The following CNTNAP5 variants were observed in gnomAD, a reference collection of about 807,000 sequenced individuals.
The protein encoded by CNTNAP5 is contactin-associated protein-like 5.
CNTNAP5 carries 72 observed loss-of-function variants against 150.2 expected under a neutral mutation model. The ratio of observed to expected loss-of-function variants is 0.48; its 90% CI spans 0.40 to 0.58. The LOEUF is 0.58. Among genes scored for constraint, CNTNAP5 ranks in the 20% least tolerant of loss-of-function variants. The pLI, the probability that CNTNAP5 is intolerant of heterozygous loss-of-function variation, is 0.00. For synonymous variants in CNTNAP5, 672 were observed against 619.8 expected (o/e 1.08, Z -1.25); for missense variants, 1,636 against 1,626.2 (o/e 1.01, Z -0.10).
In CNTNAP5 at chr2:124,491,226, C is replaced by A. The variant is rs549980836; in HGVS notation, c.1063-13066C>A. On this transcript the variant is annotated intron_variant, in intron 7 of 23. Coordinates refer to ENST00000682447, the MANE Select transcript of CNTNAP5 (RefSeq NM_001367498.1). ...ATTAACATCTCTCCATTTCTCTTAC[C>A]CTCTAACCCTGACAAGTACTGTTCT... Among the ~76,000 whole-genome samples, 4 of 152,020 alleles carry A rather than the reference C, an allele frequency of 2.6e-5. No individual in the cohort carries two copies. In the East Asian group the frequency reaches 7.7e-4, roughly 29 times the overall value.
At chr2:124,315,201 T>C (rs1291166200) in intron 3 of CNTNAP5, among the ~76,000 whole-genome samples, 1 of 152,124 alleles carries the variant, frequency 6.6e-6, no homozygotes, top group African/African-American at 2.4e-5. Flanking sequence ...CCTCAAGTGG[T>C]CCTCCTGTCA....
At chr2:124,335,844 G>A (rs1689453859) in intron 3 of CNTNAP5, among the ~76,000 whole-genome samples, 2 of 151,854 alleles carry the variant, frequency 1.3e-5, no homozygotes, top group African/African-American at 4.8e-5. Flanking sequence ...GATTTGCAGG[G>A]GTGAAAAACA....
At chr2:124,544,437 T>C (rs1695466225) in intron 10 of CNTNAP5, among the ~76,000 whole-genome samples, 1 of 152,176 alleles carries the variant, frequency 6.6e-6, no homozygotes, top group African/African-American at 2.4e-5. Context: ...AATTGTACAC[T>C]CCCATAGTTC....
intron 4 of CNTNAP5, among the ~76,000 whole-genome samples, chr2:124,428,333 A>T (rs191725231): frequency 1.3e-5 from 2 of 152,262 alleles, no homozygotes; most frequent in African/African-American, 2.4e-5. Flanking sequence ...CTTCCAATGG[A>T]TGTAGAATTG....
chr2:124,207,426 C>A (rs888338061), intron 1 of CNTNAP5, among the ~76,000 whole-genome samples: 10 of 152,120 alleles, frequency 6.6e-5, no homozygotes, highest in African/African-American at 2.4e-4. Context: ...CTTGTCAGAC[C>A]ATTCAATTTG....
intron 1 of CNTNAP5, among the ~76,000 whole-genome samples, chr2:124,142,107 G>A (rs1684127185): frequency 6.9e-6 from 1 of 145,034 alleles, no homozygotes; most frequent in Non-Finnish European, 1.5e-5. Flanking sequence ...AAATATTTAT[G>A]CACCCAATAC....
At chr2:124,136,735 G>A (rs970201931) in intron 1 of CNTNAP5, among the ~76,000 whole-genome samples, 7 of 152,158 alleles carry the variant, frequency 4.6e-5, no homozygotes, top group African/African-American at 1.4e-4. Flanking sequence ...ACTAGGGAAC[G>A]TGTAAGCAAA....
At chr2:124,032,683 AT>A (rs1681089337) in intron 1 of CNTNAP5, among the ~76,000 whole-genome samples, 1 of 152,166 alleles carries the variant, frequency 6.6e-6, no homozygotes, top group African/African-American at 2.4e-5. Context: ...TATAGAATAC[AT>A]TTTACATTTG....
rs80309681 is a variant in CNTNAP5, at chr2:124,069,002, T to C, written c.82+43270T>C. ...AGACATACTCACTTCAAGTACCAGCTTGGCTACAGTGTAGTAGAGCACCAA... is the reference window on the plus strand; with the variant it reads ...AGACATACTCACTTCAAGTACCAGCCTGGCTACAGTGTAGTAGAGCACCAA... On this transcript the variant is annotated intron_variant, in intron 1 of 23. Transcript: ENST00000682447. 1.5e-4 allele frequency among the ~76,000 whole-genome samples: 23 copies of C among 152,176 alleles called. No individual in the cohort carries two copies. In the East Asian group the frequency reaches 4.5e-3, roughly 30 times the overall value.
rs201791380 is a variant in CNTNAP5 at position 124,262,647 on chromosome 2, TTC to T, written c.381+20256_381+20257del. ...ACAAAATAGAATTTTTCCAACAGCA[TTC>T]TGTTTTTTTTTTTTTAATACTTTAA... On this transcript the variant is annotated intron_variant, in intron 3 of 23. Coordinates refer to ENST00000682447, the MANE Select transcript of CNTNAP5 (RefSeq NM_001367498.1). 6.7e-4 allele frequency among the ~76,000 whole-genome samples: 101 copies of T among 149,982 alleles called. 1 individual carries two copies. The East Asian group carries it at 0.017, about 25-fold the overall frequency.
At chr2:124,473,726 A>T (rs147917025) in intron 6 of CNTNAP5, among the ~76,000 whole-genome samples, 1 of 152,108 alleles carries the variant, frequency 6.6e-6, no homozygotes, top group African/African-American at 2.4e-5. Context: ...AGTGGAAAAA[A>T]CTGCATTTCT....
At chr2:124,496,603 C>G (rs1239099364) in intron 7 of CNTNAP5, among the ~76,000 whole-genome samples, 3 of 152,142 alleles carry the variant, frequency 2.0e-5, no homozygotes, top group Non-Finnish European at 4.4e-5. Context: ...CCCTTGGAAG[C>G]GTCACACATA....
chr2:124,297,814 TTATTATTATTATTATTATTATTA>T (rs766511243), intron 3 of CNTNAP5, among the ~76,000 whole-genome samples: 5 of 15,414 alleles, frequency 3.2e-4, no homozygotes, highest in East Asian at 2.0e-3. Context: ...CAATTATTTA[TTATTATTATTATTATTATTATTA>T]TTATTATTAT....
chr2:124,107,448 T>C (rs1683194027), intron 1 of CNTNAP5, among the ~76,000 whole-genome samples: 1 of 152,232 alleles, frequency 6.6e-6, no homozygotes, highest in African/African-American at 2.4e-5. Context: ...TTGCTCATTA[T>C]GATATTCCAA....
chr2:124,194,437 C>T (rs1474956148), intron 1 of CNTNAP5, among the ~76,000 whole-genome samples: 2 of 142,150 alleles, frequency 1.4e-5, no homozygotes, highest in African/African-American at 5.3e-5. Flanking sequence ...GCTGTATGTT[C>T]AGGTAATGCA....
intron 10 of CNTNAP5, among the ~76,000 whole-genome samples, chr2:124,534,720 A>G (rs887788231): frequency 2.6e-5 from 4 of 152,186 alleles, no homozygotes; most frequent in African/African-American, 9.7e-5. Context: ...TGAAATACAA[A>G]AAAAACAAAA....
chr2:124,163,076 A>T (rs766166088), intron 1 of CNTNAP5, among the ~76,000 whole-genome samples: 1 of 152,138 alleles, frequency 6.6e-6, no homozygotes, highest in Non-Finnish European at 1.5e-5. Context: ...TACGACCATT[A>T]AAGACTTAGA....
intron 1 of CNTNAP5, among the ~76,000 whole-genome samples, chr2:124,215,209 A>G (rs1271684499): frequency 6.6e-6 from 1 of 152,192 alleles, no homozygotes; most frequent in Non-Finnish European, 1.5e-5. Context: ...ACCTCTAAAT[A>G]CAAGTGAATC....
intron 1 of CNTNAP5, among the ~76,000 whole-genome samples, chr2:124,045,461 C>A (rs1197706503): frequency 2.0e-5 from 3 of 151,754 alleles, no homozygotes; most frequent in Non-Finnish European, 4.4e-5. Flanking sequence ...CCAGGCCTGG[C>A]AAATTTTTAT....
Sources: allele counts gnomAD v4.1 joint callset (sites outside exome capture counted in the v4.1 genomes callset), GRCh38; gene constraint gnomAD v4.1.1; transcripts MANE v1.5; gene names NCBI Gene and HGNC (gene_info 2026-07-23, HGNC 2026-07-21).